DAB1: variants seen among roughly 807,000 people sequenced by gnomAD.
DAB1 encodes disabled homolog 1.
In DAB1, 15 loss-of-function variants were observed where a neutral mutation model predicts 64.6. The observed-to-expected ratio is 0.23, with a 90% CI of 0.16 to 0.36. The LOEUF is 0.36. DAB1 is among the 10% of genes least tolerant of loss of function. The probability of loss-of-function intolerance (pLI) is 1.00; values close to 1 mark genes in which losing one functional copy is unlikely to be tolerated. For missense variants in DAB1, 596 were observed against 706.7 expected, an observed-to-expected ratio of 0.84 and a Z score of 1.78; for synonymous variants, 235 against 251.9, an observed-to-expected ratio of 0.93 and a Z score of 0.64.
intron 4 of DAB1, among the ~76,000 whole-genome samples, chr1:58,195,244 C>A (rs539546432): frequency 6.6e-6 from 1 of 151,902 alleles, no homozygotes; most frequent in African/African-American, 2.4e-5. Context: ...ATTTGTTGAG[C>A]CCAAAAATGA....
intron 7 of DAB1, among the ~76,000 whole-genome samples, chr1:57,535,092 C>A (rs1644710253): frequency 6.6e-6 from 1 of 152,154 alleles, no homozygotes; most frequent in African/African-American, 2.4e-5. Flanking sequence ...ACTTTCCTGA[C>A]CACCTTTTCT....
At chr1:58,178,282 G>A (rs1375857160) in intron 4 of DAB1, among the ~76,000 whole-genome samples, 2 of 151,956 alleles carry the variant, frequency 1.3e-5, no homozygotes, top group African/African-American at 2.4e-5. Context: ...ATCTGTCTCC[G>A]AAGCACAGAA....
intron 6 of DAB1, among the ~76,000 whole-genome samples, chr1:57,674,161 T>G (rs113007707): frequency 9.8e-5 from 15 of 152,336 alleles, no homozygotes; most frequent in African/African-American, 3.6e-4. Flanking sequence ...ATCTGGTCTC[T>G]ATAAACTAGA....
chr1:58,300,188 G>T lies in DAB1; in HGVS notation n.309+43164C>A, dbSNP rs1055886899. 3.3e-5 allele frequency among the ~76,000 whole-genome samples: 5 copies of T among 152,042 alleles called. No homozygotes were observed. In the East Asian group the frequency reaches 7.7e-4, roughly 24 times the overall value. On this transcript the variant is annotated intron_variant and non_coding_transcript_variant, in intron 4 of 20. Coordinates refer to the DAB1 transcript ENST00000485760. Reference sequence around the variant, plus strand: ...GGGCTTCTGGGATATGTTTTTCAAGGGCCCTAGCACAGTGAAGAAATGTAG... The same window carrying T: ...GGGCTTCTGGGATATGTTTTTCAAGTGCCCTAGCACAGTGAAGAAATGTAG...
At chr1:58,038,425 A>G (rs1647080341) in intron 5 of DAB1, among the ~76,000 whole-genome samples, 1 of 152,100 alleles carries the variant, frequency 6.6e-6, no homozygotes, top group Admixed American at 6.5e-5. Context: ...ACAAACCTGT[A>G]GTACTATCTT....
chr1:57,347,152 A>G (rs888679447), intron 1 of DAB1, among the ~76,000 whole-genome samples: 1 of 152,212 alleles, frequency 6.6e-6, no homozygotes, highest in African/African-American at 2.4e-5. Flanking sequence ...TGAAGCTGTC[A>G]ACAAATATGC....
chr1:57,141,600 G>A (rs1658593685), intron 3 of DAB1, among the ~76,000 whole-genome samples: 2 of 152,116 alleles, frequency 1.3e-5, no homozygotes, highest in South Asian at 2.1e-4. Flanking sequence ...CTTCATTAAA[G>A]TATCCTCATC....
At chr1:57,717,121 C>T (rs3118017) in intron 6 of DAB1, among the ~76,000 whole-genome samples, 6,422 of 151,880 alleles carry the variant, frequency 0.042, 460 homozygotes, top group African/African-American at 0.15. Context: ...CGCCTGTAAT[C>T]CCAGCTACTC....
At chr1:58,498,459 T>G (rs1204228640) in intron 3 of DAB1, among the ~76,000 whole-genome samples, 1 of 152,160 alleles carries the variant, frequency 6.6e-6, no homozygotes, top group East Asian at 1.9e-4. Flanking sequence ...CATATACTTT[T>G]AAGAAGGCCT....
At position 57,635,910 on chromosome 1, in the gene DAB1, A is replaced by G. The variant is rs1032290513; in HGVS notation, n.625+13682T>C. Among the ~76,000 whole-genome samples the G allele has an allele frequency of 7.2e-5, 11 of 151,880 alleles. No individual in the cohort carries two copies. The South Asian group carries it at 1.0e-3, about 14-fold the overall frequency. On this transcript the variant is annotated intron_variant and non_coding_transcript_variant, in intron 7 of 20. Coordinates refer to the DAB1 transcript ENST00000485760. ...GGAGATCGAGACCATCCTGGCTAAT[A>G]CGGTGAAACCCCGTCACTACTAAAA... is the stretch of plus-strand genomic sequence containing the variant.
At chr1:58,125,232 T>C (rs1160112127) in intron 5 of DAB1, among the ~76,000 whole-genome samples, 2 of 152,170 alleles carry the variant, frequency 1.3e-5, no homozygotes, top group Non-Finnish European at 2.9e-5. Flanking sequence ...GTGGGATGTT[T>C]CACTAATTTG....
At chr1:57,817,320 TA>T (rs1214088292) in intron 6 of DAB1, among the ~76,000 whole-genome samples, 1 of 152,170 alleles carries the variant, frequency 6.6e-6, no homozygotes, top group African/African-American at 2.4e-5. Context: ...ACCAACTGCA[TA>T]AAAGGAAGAA....
intron 2 of DAB1, among the ~76,000 whole-genome samples, chr1:57,161,261 G>A (rs1021521031): frequency 6.6e-6 from 1 of 152,190 alleles, no homozygotes; most frequent in Non-Finnish European, 1.5e-5. Context: ...CGAGTGCTCA[G>A]ATAATGTAAA....
rs185674435 is a variant in DAB1, at chr1:57,001,021, A to G, written c.*16-2893T>C. On this transcript the variant is annotated intron_variant, in intron 14 of 14. Transcript: ENST00000371236. ...CTGCAGTCAACTCTCAATTATCCCCACTAATGAAGGGGAGCAGTGGTGTGG... is the reference window on the plus strand; with the variant it reads ...CTGCAGTCAACTCTCAATTATCCCCGCTAATGAAGGGGAGCAGTGGTGTGG... Among the ~76,000 whole-genome samples, 16 of 152,266 alleles carry G rather than the reference A, an allele frequency of 1.1e-4. No individual in the cohort carries two copies. In the East Asian group the frequency reaches 1.9e-3, roughly 18 times the overall value.
chr1:57,770,758 T>G (rs777217074), intron 6 of DAB1, among the ~76,000 whole-genome samples: 1 of 152,188 alleles, frequency 6.6e-6, no homozygotes, highest in East Asian at 1.9e-4. Context: ...CTTTTTTAGC[T>G]GAGAAAATAA....
At chr1:57,510,603 T>C (rs1447461722) in intron 7 of DAB1, among the ~76,000 whole-genome samples, 1 of 152,142 alleles carries the variant, frequency 6.6e-6, no homozygotes, top group Non-Finnish European at 1.5e-5. Flanking sequence ...AAGCTCTTTA[T>C]ACCCCACCCA....
intron 5 of DAB1, among the ~76,000 whole-genome samples, chr1:58,144,198 G>A (rs1276866417): frequency 6.6e-6 from 1 of 152,184 alleles, no homozygotes; most frequent in African/African-American, 2.4e-5. Flanking sequence ...ATAAAGGCAT[G>A]GGATGGCCTT....
chr1:58,459,785 C>T (rs1030786970), intron 3 of DAB1, among the ~76,000 whole-genome samples: 2 of 152,170 alleles, frequency 1.3e-5, no homozygotes, highest in African/African-American at 2.4e-5. Flanking sequence ...CAAAACCAGC[C>T]TGGCCAACAT....
intron 4 of DAB1, among the ~76,000 whole-genome samples, chr1:58,230,196 G>A (rs1659710601): frequency 6.6e-6 from 1 of 152,164 alleles, no homozygotes; most frequent in Non-Finnish European, 1.5e-5. Context: ...AACCACTGAG[G>A]TTAGGAAGGA....
Sources: gnomAD v4.1 joint callset for allele counts (sites outside exome capture counted in the v4.1 genomes callset) on GRCh38, gnomAD v4.1.1 for gene constraint, MANE v1.5 for transcripts, NCBI Gene and HGNC (gene_info 2026-07-23, HGNC 2026-07-21) for gene names.